Variants in SLC3A2 observed in about 807,000 individuals in gnomAD.
SLC3A2 encodes the protein amino acid transporter heavy chain SLC3A2.
In SLC3A2, 32 loss-of-function variants were observed where a neutral mutation model predicts 48.5. That is an observed-to-expected ratio of 0.66 (90% CI 0.50 to 0.89). SLC3A2 has a LOEUF of 0.89. SLC3A2 is among the 40% of genes least tolerant of loss of function. SLC3A2 has a pLI of 0.00. For missense variants in SLC3A2, 587 were observed against 680.7 expected, an observed-to-expected ratio of 0.86 and a Z score of 1.53; for synonymous variants, 277 against 288.8, an observed-to-expected ratio of 0.96 and a Z score of 0.41.
chr11:62,860,970 G>A (rs1427473632), intron 1 of SLC3A2, among the ~76,000 whole-genome samples: 6 of 152,140 alleles, frequency 3.9e-5, no homozygotes, highest in Non-Finnish European at 7.3e-5. Context: ...ACAGATTAAC[G>A]GTGTTTCAAG....
chr11:62,884,364 A>C, intron 3 of SLC3A2, 93 bp from the exon 4 acceptor site: 4 of 1,324,076 alleles, frequency 3.0e-6, no homozygotes, highest in Non-Finnish European at 4.4e-6. Flanking sequence ...CTCCCGGGGA[A>C]GTGTGTGGTG....
chr11:62,875,392 CA>C (rs1019665245), intron 1 of SLC3A2, among the ~76,000 whole-genome samples: 1 of 151,988 alleles, frequency 6.6e-6, no homozygotes, highest in African/African-American at 2.4e-5. Context: ...TAAAAATACA[CA>C]AAAAAATCAA....
intron 1 of SLC3A2, chr11:62,871,714 T>C (rs1485637542): frequency 5.5e-6 from 3 of 549,826 alleles, no homozygotes; most frequent in Non-Finnish European, 9.7e-6. Flanking sequence ...TCTGGTAGAA[T>C]TTGTCTTTAA....
chr11:62,864,311 T>TG (rs2085430087), intron 1 of SLC3A2, among the ~76,000 whole-genome samples: 1 of 151,946 alleles, frequency 6.6e-6, no homozygotes, highest in African/African-American at 2.4e-5. Flanking sequence ...TACTTGGTTT[T>TG]TTTTTTTTTT....
Position 62,868,365 on chromosome 11 carries a change from C to CT in SLC3A2, c.112+12002dup, listed in dbSNP as rs1184700101. The stretch of plus-strand genomic sequence containing the variant: ...TGGTGGGTAAAAGGGTATTTTCATT[C>CT]TTTTTTTTTTTTTTTTTTGAGATGG... On this transcript the variant is annotated intron_variant, in intron 1 of 9. Coordinates refer to the SLC3A2 transcript ENST00000377889. 9.2e-3 allele frequency among the ~76,000 whole-genome samples: 1,221 copies of CT among 132,694 alleles called. 16 individuals carry two copies. The highest frequency in any genetic ancestry group is 0.016 in the African/African-American group (595 of 36,420). 87.1% of individuals were successfully genotyped at this position (132,694 alleles called of 152,430 possible).
At chr11:62,887,743 G>T in intron 7 of SLC3A2, 1 of 163,440 alleles carries the variant, frequency 6.1e-6, no homozygotes, top group Non-Finnish European at 1.3e-5. Flanking sequence ...GAGTTGGGGA[G>T]GTTATATATT....
At chr11:62,882,272 A>G (rs933864830) in intron 2 of SLC3A2, 8 of 593,250 alleles carry the variant, frequency 1.3e-5, no homozygotes, top group Admixed American at 6.2e-5. Flanking sequence ...TGAGCAGGTC[A>G]TTTAACTTCT....
In SLC3A2 at chr11:62,888,681, C is replaced by T; in HGVS notation, c.1578C>T (p.Pro526=). 1 of 1,592,142 alleles carries T rather than the reference C, an allele frequency of 6.3e-7. No homozygotes were observed. The highest frequency in any genetic ancestry group is 1.1e-5 in the South Asian group (1 of 90,516). Residue 526 remains proline, a synonymous_variant, in exon 9 of 9, where the codon CCC becomes CCT. Transcript: ENST00000338663. ...EPHEGLLLRF[P]YAA ...ACGAAGGGCTGCTGCTCCGCTTCCC[C>T]TACGCGGCCTGACTTCAGCCTGACA...
chr11:62,869,232 G>T (rs1312566815), intron 1 of SLC3A2, among the ~76,000 whole-genome samples: 2 of 150,820 alleles, frequency 1.3e-5, no homozygotes, highest in African/African-American at 2.4e-5. Flanking sequence ...GATTAGAATA[G>T]AATTTCTATT....
intron 1 of SLC3A2, among the ~76,000 whole-genome samples, chr11:62,865,985 A>C (rs1457170709): frequency 6.6e-6 from 1 of 152,084 alleles, no homozygotes; most frequent in African/African-American, 2.4e-5. Context: ...GCTGATGTCC[A>C]CCGATGTCAC....
At chr11:62,862,193 T>C (rs2085406557) in intron 1 of SLC3A2, among the ~76,000 whole-genome samples, 1 of 151,142 alleles carries the variant, frequency 6.6e-6, no homozygotes, top group South Asian at 2.1e-4. Context: ...GGAGTGTGCC[T>C]GTAATCCCAG....
intron 3 of SLC3A2, 149 bp from the exon 4 acceptor site, chr11:62,884,302 CCTTTGT>C (rs1254766041): frequency 1.4e-6 from 1 of 718,294 alleles, no homozygotes; most frequent in East Asian, 2.6e-5. Context: ...AAAGGCTAAG[CCTTTGT>C]AGTGCAGGTG....
At chr11:62,856,489 C>A in intron 1 of SLC3A2, 2 of 972,760 alleles carry the variant, frequency 2.1e-6, no homozygotes, top group East Asian at 2.6e-5. Context: ...CTGATTTTTT[C>A]CTAACTGGTT....
chr11:62,878,309 CAG>C (rs1430519932), upstream of SLC3A2, among the ~76,000 whole-genome samples: 1 of 152,142 alleles, frequency 6.6e-6, no homozygotes, highest in East Asian at 1.9e-4. Flanking sequence ...TTTTTAGAGA[CAG>C]GGTCTCGCTC....
intron 1 of SLC3A2, among the ~76,000 whole-genome samples, chr11:62,868,845 G>C (rs1484863128): frequency 2.0e-5 from 3 of 152,108 alleles, no homozygotes; most frequent in African/African-American, 7.2e-5. Context: ...GCACTTTCCA[G>C]ATTACTAATG....
intron 1 of SLC3A2, among the ~76,000 whole-genome samples, chr11:62,873,969 ATTTTTTTTTTTTTTTTTTTTT>A (rs573491653): frequency 7.5e-4 from 29 of 38,900 alleles, no homozygotes; most frequent in East Asian, 2.5e-3. Flanking sequence ...TGCCCAGCTA[ATTTTTTTTTTTTTTTTTTTTT>A]TTTTTTTTTT....
intron 4 of SLC3A2, 51 bp downstream of exon 4, chr11:62,884,576 C>G (rs781717388): frequency 1.2e-6 from 2 of 1,613,316 alleles, no homozygotes; most frequent in Admixed American, 1.7e-5. Flanking sequence ...AACAGAGGGA[C>G]TCAGCTAGAG....
intron 3 of SLC3A2, 38 bp from the exon 4 acceptor site, chr11:62,884,419 G>T: frequency 6.2e-7 from 1 of 1,612,094 alleles, no homozygotes; most frequent in Non-Finnish European, 8.5e-7. Flanking sequence ...CTTTTCCTGA[G>T]AACTGATGTC....
intron 1 of SLC3A2, among the ~76,000 whole-genome samples, chr11:62,860,547 C>T (rs980298463): frequency 2.0e-5 from 3 of 152,072 alleles, no homozygotes; most frequent in Admixed American, 6.6e-5. Context: ...AATGTACAAT[C>T]GGGTTTTATA....
Sources: allele counts gnomAD v4.1 joint callset (sites outside exome capture counted in the v4.1 genomes callset), GRCh38; gene constraint gnomAD v4.1.1; transcripts MANE v1.5; gene names NCBI Gene and HGNC (gene_info 2026-07-23, HGNC 2026-07-21).